PCDHA1: variants seen among roughly 807,000 people sequenced by gnomAD.
PCDHA1 encodes protocadherin alpha-1.
In PCDHA1, 42 loss-of-function variants were observed where a neutral mutation model predicts 61.3. The ratio of observed to expected loss-of-function variants is 0.69; its 90% CI spans 0.54 to 0.89. The LOEUF is 0.89. Ranked by LOEUF, PCDHA1 falls within the 40% of genes least tolerant of loss-of-function variation. PCDHA1 has a pLI of 0.00. For synonymous variants in PCDHA1, 610 were observed against 553.8 expected, an observed-to-expected ratio of 1.10 and a Z score of -1.43; for missense variants, 1,256 against 1,235.3, an observed-to-expected ratio of 1.02 and a Z score of -0.25.
chr5:140,927,482 C>G, intron 1 of PCDHA1: 1 of 1,614,086 alleles, frequency 6.2e-7, no homozygotes, highest in Non-Finnish European at 8.5e-7. Flanking sequence ...GAACAGCGCG[C>G]CACCCACCTG....
intron 1 of PCDHA1, chr5:140,883,531 T>C (rs782406173): frequency 6.8e-6 from 11 of 1,614,092 alleles, no homozygotes; most frequent in Middle Eastern, 1.6e-4. Flanking sequence ...TATCAGCCTA[T>C]GAACTGGTGG....
At chr5:140,814,806 T>TAA (rs1765594880) in intron 1 of PCDHA1, 1 of 152,196 alleles carries the variant, frequency 6.6e-6, no homozygotes, top group East Asian at 1.9e-4. Context: ...ACACTTGACT[T>TAA]TATTGTATTG....
chr5:140,963,288 G>A (rs908553196), intron 1 of PCDHA1, among the ~76,000 whole-genome samples: 2 of 152,126 alleles, frequency 1.3e-5, no homozygotes, highest in Non-Finnish European at 2.9e-5. Flanking sequence ...ATTTTATAAG[G>A]AGGAGAGAAA....
intron 1 of PCDHA1, among the ~76,000 whole-genome samples, chr5:140,925,505 C>A (rs528944783): frequency 6.6e-5 from 10 of 152,052 alleles, no homozygotes; most frequent in African/African-American, 2.2e-4. Flanking sequence ...CCAATATCCA[C>A]GCAAAAGACC....
chr5:140,836,754 T>C lies in PCDHA1; in HGVS notation c.2394+48070T>C, dbSNP rs2150269259. 5 of 1,577,604 alleles carry C rather than the reference T, an allele frequency of 3.2e-6. 1 individual carries two copies. In the African/African-American group the frequency reaches 6.8e-5, roughly 22 times the overall value. On this transcript the variant is annotated intron_variant, in intron 1 of 3. Coordinates refer to ENST00000504120, the MANE Select transcript of PCDHA1 (RefSeq NM_018900.4). ...TACAGACAATGTGAGTCATAAATAA[T>C]CTTGTTTCCAACAATTTTAAAACAA...
intron 1 of PCDHA1, chr5:140,808,738 G>C (rs571920804): frequency 6.2e-7 from 1 of 1,612,030 alleles, no homozygotes; most frequent in African/African-American, 1.3e-5. Context: ...GCGGCAAGGT[G>C]TACGCGCTGC....
At chr5:140,820,522 G>A (rs2150107186) in intron 1 of PCDHA1, among the ~76,000 whole-genome samples, 2 of 152,094 alleles carry the variant, frequency 1.3e-5, no homozygotes, top group East Asian at 1.9e-4. Flanking sequence ...CAAGCAGAAT[G>A]TTAGCTATTT....
At chr5:140,803,343 C>T (rs1554122733) in intron 1 of PCDHA1, 1 of 1,614,182 alleles carries the variant, frequency 6.2e-7, no homozygotes, top group East Asian at 2.2e-5. Context: ...GCTCACACTG[C>T]TGCTATATAC....
intron 1 of PCDHA1, among the ~76,000 whole-genome samples, chr5:140,924,902 AAAATAAAATAAAAT>A (rs1442290811): frequency 5.1e-5 from 2 of 39,026 alleles, no homozygotes; most frequent in East Asian, 1.3e-3. Flanking sequence ...CTCAAAAAAA[AAAATAAAATAAAAT>A]AAAATAAAAT....
At chr5:140,793,033 T>A (rs1761744955) in intron 1 of PCDHA1, among the ~76,000 whole-genome samples, 1 of 152,072 alleles carries the variant, frequency 6.6e-6, no homozygotes, top group South Asian at 2.1e-4. Flanking sequence ...GTGAGAAAAA[T>A]CACAATTATT....
rs147537783 is a variant in PCDHA1 at position 140,982,491 on chromosome 5, G to C, written c.2470G>C (p.Glu824Gln). 1 of 1,614,076 alleles carries C rather than the reference G, an allele frequency of 6.2e-7. No individual in the cohort carries two copies. Among genetic ancestry groups the C allele is most frequent in the African/African-American group, 1.3e-5 (1 of 74,924 alleles). The change falls in exon 3 of 4, where the codon GAG becomes CAG. Residue 824 changes from glutamate to glutamine, a missense_variant. Physicochemically the swap from Glu to Gln is conservative, Grantham distance 29. Coordinates refer to ENST00000504120, the MANE Select transcript of PCDHA1 (RefSeq NM_018900.4). ...TTTATTCAGCTCTGTGCACCTAGAG[G>C]AGGCTGGCATTCTACGGGCTGGTCC... is the stretch of plus-strand genomic sequence containing the variant. ...AGMHSSVHLE[E>Q]AGILRAGPGG...
chr5:140,857,558 T>A (rs782138602), intron 1 of PCDHA1: 1 of 1,596,966 alleles, frequency 6.3e-7, no homozygotes, highest in Non-Finnish European at 8.6e-7. Flanking sequence ...GCGCTCGCTG[T>A]CGAGCTACGT....
Position 140,857,347 on chromosome 5 carries a change from G to T in PCDHA1, c.2394+68663G>T, listed in dbSNP as rs781930086. 8.1e-6 allele frequency: 13 copies of T among 1,598,236 alleles called. No homozygotes were observed. The African/African-American group carries it at 1.1e-4, about 13-fold the overall frequency. On this transcript the variant is annotated intron_variant, in intron 1 of 3. Coordinates refer to ENST00000504120, the MANE Select transcript of PCDHA1 (RefSeq NM_018900.4). The stretch of plus-strand genomic sequence containing the variant: ...CCGCGCGGGACGGGGGCTCGCCTCC[G>T]CTGTGGGCCACGGCCAGCGTGTCTG...
chr5:140,884,555 G>C, intron 1 of PCDHA1: 1 of 1,614,098 alleles, frequency 6.2e-7, no homozygotes, highest in Non-Finnish European at 8.5e-7. Context: ...CTCTGGGGAG[G>C]GCCCGCATAA....
intron 1 of PCDHA1, chr5:140,877,311 G>C (rs200978234): frequency 6.3e-5 from 101 of 1,613,852 alleles, no homozygotes; most frequent in Non-Finnish European, 7.9e-5. Context: ...AGTTGCAACC[G>C]GCGGCGGTCG....
At chr5:140,915,686 A>G (rs1440972076) in intron 1 of PCDHA1, among the ~76,000 whole-genome samples, 2 of 150,988 alleles carry the variant, frequency 1.3e-5, no homozygotes, top group African/African-American at 2.4e-5. Flanking sequence ...AACTAGGGGT[A>G]TGGTGATGCA....
chr5:140,981,888 G>A (rs1554243508), intron 2 of PCDHA1, among the ~76,000 whole-genome samples: 1 of 152,140 alleles, frequency 6.6e-6, no homozygotes, highest in Non-Finnish European at 1.5e-5. Flanking sequence ...AATCTCTTCT[G>A]AGCGGGGATC....
chr5:140,876,481 C>T (rs1442284424), intron 1 of PCDHA1: 9 of 1,613,878 alleles, frequency 5.6e-6, no homozygotes, highest in Admixed American at 1.7e-5. Flanking sequence ...CAGCATGGTC[C>T]TGGTGGAAGT....
At chr5:140,805,226 G>C (rs1763529564) in intron 1 of PCDHA1, 1 of 1,393,956 alleles carries the variant, frequency 7.2e-7, no homozygotes, top group Non-Finnish European at 9.3e-7. Flanking sequence ...TTTCTATTCT[G>C]CTGCATTCCC....
Sources: allele counts gnomAD v4.1 joint callset (sites outside exome capture counted in the v4.1 genomes callset), GRCh38; gene constraint gnomAD v4.1.1; transcripts MANE v1.5; gene names NCBI Gene and HGNC (gene_info 2026-07-23, HGNC 2026-07-21).